The following PRORP variants were observed in gnomAD, a reference collection of about 807,000 sequenced individuals.
PRORP encodes the protein mitochondrial ribonuclease P catalytic subunit.
In PRORP, 51 loss-of-function variants were observed where a neutral mutation model predicts 59.4. The observed-to-expected ratio is 0.86, with a 90% CI of 0.69 to 1.08. The LOEUF is 1.08. Ranked by LOEUF, PRORP falls within the 50% of genes least tolerant of loss-of-function variation. The pLI is 0.00. For missense variants in PRORP, 646 were observed against 690.3 expected, an observed-to-expected ratio of 0.94 and a Z score of 0.72; for synonymous variants, 231 against 245.6, an observed-to-expected ratio of 0.94 and a Z score of 0.55.
intron 4 of PRORP, among the ~76,000 whole-genome samples, chr14:35,147,258 T>C (rs2047634852): frequency 6.6e-6 from 1 of 152,240 alleles, no homozygotes; most frequent in African/African-American, 2.4e-5. Context: ...TGTAATCTTT[T>C]TGCTGATGGC....
At chr14:35,143,449 A>G (rs2047530447) in intron 4 of PRORP, among the ~76,000 whole-genome samples, 2 of 146,110 alleles carry the variant, frequency 1.4e-5, no homozygotes, top group South Asian at 2.2e-4. Context: ...GGCATGAGCC[A>G]CTGTGCCCAG....
intron 5 of PRORP, among the ~76,000 whole-genome samples, chr14:35,189,942 C>T (rs939133933): frequency 6.6e-6 from 1 of 151,680 alleles, no homozygotes; most frequent in Non-Finnish European, 1.5e-5. Context: ...AACCCTGTCT[C>T]TACTAAAAAT....
At chr14:35,262,791 G>A in intron 5 of PRORP, 2 of 1,314,774 alleles carry the variant, frequency 1.5e-6, no homozygotes, top group Non-Finnish European at 2.2e-6. Context: ...TGGGTCTCTT[G>A]TTGAAATCTG....
At chr14:35,238,104 G>T (rs2050266886) in intron 5 of PRORP, among the ~76,000 whole-genome samples, 1 of 151,498 alleles carries the variant, frequency 6.6e-6, no homozygotes. Context: ...CTGTATTAAA[G>T]GTGGGCACTG....
At position 35,275,710 on chromosome 14, in the gene PRORP, C is replaced by G. The variant is rs1458618871; in HGVS notation, c.*2144C>G. 1 of 151,720 alleles carries G rather than the reference C, an allele frequency of 6.6e-6. No individual in the cohort carries two copies. Among genetic ancestry groups the G allele is most frequent in the Non-Finnish European group, 1.5e-5 (1 of 68,022 alleles). 9.4% of individuals were successfully genotyped at this position (151,720 alleles called of 1,614,324 possible). ...AAGTGGTGGCTCATACCTGTTAATT[C>G]CAGCACTTTGGGAGGCCAAGACAGG... On this transcript the variant is annotated 3_prime_UTR_variant, in exon 8 of 8. Transcript: ENST00000534898.
At chr14:35,162,473 G>A (rs1027908224) in intron 4 of PRORP, among the ~76,000 whole-genome samples, 1 of 151,986 alleles carries the variant, frequency 6.6e-6, no homozygotes, top group African/African-American at 2.4e-5. Flanking sequence ...ATTTTCATAG[G>A]TTTAAGAGGC....
At chr14:35,168,175 TG>T (rs764279827) in intron 4 of PRORP, among the ~76,000 whole-genome samples, 1 of 152,214 alleles carries the variant, frequency 6.6e-6, no homozygotes, top group Non-Finnish European at 1.5e-5. Flanking sequence ...TGTTTAACTT[TG>T]TAAGAAACTG....
At chr14:35,233,923 T>C (rs890970044) in intron 5 of PRORP, among the ~76,000 whole-genome samples, 1 of 152,202 alleles carries the variant, frequency 6.6e-6, no homozygotes, top group Non-Finnish European at 1.5e-5. Context: ...AATAATACCA[T>C]TAGATTCCAT....
At chr14:35,188,411 G>A (rs981948591) in intron 5 of PRORP, among the ~76,000 whole-genome samples, 3 of 150,770 alleles carry the variant, frequency 2.0e-5, no homozygotes, top group Non-Finnish European at 3.0e-5. Flanking sequence ...GGCTGGTCTC[G>A]AACTCCTGAC....
At chr14:35,225,953 C>T (rs2049923535) in intron 5 of PRORP, among the ~76,000 whole-genome samples, 1 of 152,172 alleles carries the variant, frequency 6.6e-6, no homozygotes, top group Non-Finnish European at 1.5e-5. Flanking sequence ...TCACTTGCCT[C>T]TAGCCTAACC....
At chr14:35,140,592 A>G (rs2047461246) in intron 4 of PRORP, among the ~76,000 whole-genome samples, 1 of 145,784 alleles carries the variant, frequency 6.9e-6, no homozygotes, top group South Asian at 2.2e-4. Flanking sequence ...TACAAGTCCT[A>G]AGTCCAATAT....
chr14:35,123,592 C>T lies in PRORP; in HGVS notation c.347C>T (p.Thr116Ile). 1 of 1,614,194 alleles carries T rather than the reference C, an allele frequency of 6.2e-7. No homozygotes were observed. ...GTGAGGAACACTATTCAACTCCCAACACAACCTTTGAATTCAGAGGAGTGG... is the reference window on the plus strand; with the variant it reads ...GTGAGGAACACTATTCAACTCCCAATACAACCTTTGAATTCAGAGGAGTGG... ...APVRNTIQLP[T>I]QPLNSEEWDK... The change falls in exon 2 of 8, where the codon ACA becomes ATA. Residue 116 changes from threonine (T) to isoleucine (I), a missense_variant. Coordinates refer to ENST00000534898, the MANE Select transcript of PRORP (RefSeq NM_014672.4).
intron 4 of PRORP, among the ~76,000 whole-genome samples, chr14:35,156,249 T>C (rs1251263237): frequency 6.6e-6 from 1 of 152,196 alleles, no homozygotes; most frequent in Admixed American, 6.5e-5. Flanking sequence ...TTCCACTCTT[T>C]GTTAATAAGA....
chr14:35,259,256 A>G (rs899877578), intron 5 of PRORP, among the ~76,000 whole-genome samples: 1 of 152,088 alleles, frequency 6.6e-6, no homozygotes, highest in Admixed American at 6.5e-5. Context: ...TTTAATATTA[A>G]TATAGCCACT....
At chr14:35,195,093 T>G in intron 5 of PRORP, among the ~76,000 whole-genome samples, 1 of 152,252 alleles carries the variant, frequency 6.6e-6, no homozygotes, top group Admixed American at 6.5e-5. Flanking sequence ...ATATAAAATA[T>G]TTTAATTATA....
intron 5 of PRORP, among the ~76,000 whole-genome samples, chr14:35,237,088 C>CTG: frequency 7.0e-6 from 1 of 142,274 alleles, no homozygotes; most frequent in Non-Finnish European, 1.6e-5. Flanking sequence ...CCTTCCTTCT[C>CTG]TCTCTCTCTC....
intron 4 of PRORP, among the ~76,000 whole-genome samples, chr14:35,152,720 G>T (rs1191859549): frequency 1.3e-5 from 2 of 150,936 alleles, no homozygotes; most frequent in Admixed American, 6.6e-5. Context: ...CAGACGGGTC[G>T]GCCGGGCAGA....
At chr14:35,265,454 G>C (rs553463760) in intron 5 of PRORP, among the ~76,000 whole-genome samples, 1 of 152,226 alleles carries the variant, frequency 6.6e-6, no homozygotes, top group Admixed American at 6.5e-5. Context: ...TTGAGTATAG[G>C]CAAGCTCACC....
chr14:35,157,395 G>A (rs1386506136), intron 4 of PRORP, among the ~76,000 whole-genome samples: 3 of 152,122 alleles, frequency 2.0e-5, no homozygotes, highest in Non-Finnish European at 2.9e-5. Context: ...TCAGAGAAAC[G>A]TCAGATGACT....
Sources: allele counts gnomAD v4.1 joint callset (sites outside exome capture counted in the v4.1 genomes callset), GRCh38; gene constraint gnomAD v4.1.1; transcripts MANE v1.5; gene names NCBI Gene and HGNC (gene_info 2026-07-23, HGNC 2026-07-21).